Variants in OR6J1 observed in about 807,000 individuals in gnomAD.
OR6J1 encodes the protein olfactory receptor family 6 subfamily J member 1.
For missense variants in OR6J1, 304 were observed against 166.8 expected (o/e 1.82, Z -4.53); for synonymous variants, 109 against 70.0 (o/e 1.56, Z -2.78).
intron 1 of OR6J1, among the ~76,000 whole-genome samples, chr14:22,635,284 A>G (rs2037576091): frequency 6.6e-6 from 1 of 152,266 alleles, no homozygotes; most frequent in African/African-American, 2.4e-5. Flanking sequence ...TAAACAAATT[A>G]TGGTACCTTT....
intron 1 of OR6J1, among the ~76,000 whole-genome samples, chr14:22,643,758 C>CAGAGAGAGAGAGAG (rs1235103171): frequency 1.3e-4 from 8 of 60,720 alleles, no homozygotes; most frequent in South Asian, 1.4e-3. Context: ...CACACACACA[C>CAGAGAGAGAGAGAG]ACACACAGAG....
intron 1 of OR6J1, among the ~76,000 whole-genome samples, chr14:22,643,337 C>A (rs1194129329): frequency 1.3e-5 from 2 of 151,350 alleles, no homozygotes; most frequent in Admixed American, 6.6e-5. Flanking sequence ...ACTCTGTCAC[C>A]CAGGCTGGAG....
rs1300720128 is a variant in OR6J1 at position 22,632,344 on chromosome 14, G to A, written c.*1424C>T. 6.6e-6 allele frequency: 1 copy of A among 152,380 alleles called. No homozygotes were observed. Among genetic ancestry groups the A allele is most frequent in the Non-Finnish European group, 1.5e-5 (1 of 68,082 alleles). The allele number at this position is 152,380 out of a possible 1,614,324, so 9.4% of individuals were successfully genotyped here. ...GCACTTTGGGAGGCCGATGTGGGCA[G>A]ATCACGAGTTCAGGAGATCGAGACC... On this transcript the variant is annotated 3_prime_UTR_variant, in exon 2 of 2. Transcript: ENST00000540461.
At chr14:22,643,764 C>CACACACAGAG (rs1466950724) in intron 1 of OR6J1, among the ~76,000 whole-genome samples, 380 of 37,662 alleles carry the variant, frequency 0.01, 7 homozygotes, top group Non-Finnish European at 0.013. Context: ...CACACACACA[C>CACACACAGAG]AGAGAGAGAG....
In OR6J1 at chr14:22,632,762, A is replaced by G. The variant is rs2037555137; in HGVS notation, c.*1006T>C. 6.6e-6 allele frequency: 1 copy of G among 152,254 alleles called. No individual in the cohort carries two copies. Among genetic ancestry groups the G allele is most frequent in the African/African-American group, 2.4e-5 (1 of 41,456 alleles). 9.4% of individuals were successfully genotyped at this position (152,254 alleles called of 1,614,324 possible). On this transcript the variant is annotated 3_prime_UTR_variant, in exon 2 of 2. Coordinates refer to ENST00000540461, the MANE Select transcript of OR6J1 (RefSeq NM_001348233.2). The stretch of plus-strand genomic sequence containing the variant: ...AAACACATCAAATCCAGGAATAGGA[A>G]TCAAAATTCTACCAGCTCCAGCCCT...
intron 1 of OR6J1, among the ~76,000 whole-genome samples, chr14:22,636,549 TGCAGGCGCAC>T (rs1327169892): frequency 1.1e-4 from 13 of 114,592 alleles, no homozygotes; most frequent in Non-Finnish European, 1.7e-4. Flanking sequence ...TGCCTGCGAT[TGCAGGCGCAC>T]GCCGCCACGC....
Position 22,634,416 on chromosome 14 carries a change from G to A in OR6J1, c.396C>T (p.Thr132=), listed in dbSNP as rs1480533939. The A allele has an allele frequency of 1.4e-6, 1 of 703,444 alleles. No homozygotes were observed. 43.6% of individuals were successfully genotyped at this position (703,444 alleles called of 1,614,324 possible). A position where few individuals can be genotyped will look rare whatever the true frequency, so the allele number is the denominator to read the frequency against. The change falls in exon 2 of 2, where the codon ACC becomes ACT. Residue 132 remains threonine, a synonymous_variant. Coordinates refer to ENST00000540461, the MANE Select transcript of OR6J1 (RefSeq NM_001348233.2). ...TGCAGACAGAAGGTCTCATGATGGT[G>A]GTGTACCGCAGGGGGCAGCAGATGG... ...YATICCPLRY[T]TIMRPSVCIG...
At chr14:22,640,068 T>G (rs72679830) in intron 1 of OR6J1, among the ~76,000 whole-genome samples, 32,541 of 146,848 alleles carry the variant, frequency 0.22, 4,326 homozygotes, top group African/African-American at 0.31. Flanking sequence ...AATTTGTCAT[T>G]ACCTTGTAAA....
intron 1 of OR6J1, among the ~76,000 whole-genome samples, chr14:22,641,262 A>AAAGGAAGGAAGG (rs1181906883): frequency 9.0e-6 from 1 of 111,406 alleles, no homozygotes; most frequent in Admixed American, 9.6e-5. Context: ...AGAAAGAAAG[A>AAAGGAAGGAAGG]AAGAAAGGAA....
intron 1 of OR6J1, among the ~76,000 whole-genome samples, chr14:22,638,415 G>A (rs1408690802): frequency 4.0e-5 from 3 of 74,620 alleles, no homozygotes; most frequent in Non-Finnish European, 2.4e-5. Flanking sequence ...GATTAAGGGC[G>A]GTGCAAGATG....
chr14:22,635,517 A>G lies in OR6J1; in HGVS notation c.-27-679T>C, dbSNP rs538448668. Reference sequence around the variant, plus strand: ...AGATGTAAATTAGCAAAGGTCCTAGAGTAGCCAAGAAGACATTGCTGAAGA... The same window carrying G: ...AGATGTAAATTAGCAAAGGTCCTAGGGTAGCCAAGAAGACATTGCTGAAGA... On this transcript the variant is annotated intron_variant, in intron 1 of 1. Transcript: ENST00000540461. Among the ~76,000 whole-genome samples, 13 of 152,358 alleles carry G rather than the reference A, an allele frequency of 8.5e-5. No homozygotes were observed. The East Asian group carries it at 1.9e-3, about 23-fold the overall frequency.
chr14:22,635,574 A>G (rs1299597277), intron 1 of OR6J1, among the ~76,000 whole-genome samples: 3 of 152,202 alleles, frequency 2.0e-5, no homozygotes, highest in African/African-American at 7.2e-5. Flanking sequence ...GCATTGGCAG[A>G]TATTGAGACT....
rs752798007 is a variant in OR6J1, at chr14:22,634,546, T to C, written c.266A>G (p.Lys89Arg). The C allele has an allele frequency of 9.6e-5, 68 of 705,194 alleles. No homozygotes were observed. The highest frequency in any genetic ancestry group is 9.3e-4 in the South Asian group (63 of 67,630). The allele number at this position is 705,194 out of a possible 1,614,324, so 43.7% of individuals were successfully genotyped here. A position where few individuals can be genotyped will look rare whatever the true frequency, so the allele number is the denominator to read the frequency against. Residue 89 changes from lysine to arginine, a missense_variant, in exon 2 of 2, where the codon AAA becomes AGA. Lys to Arg is a conservative substitution (Grantham distance 26, BLOSUM62 2). Coordinates refer to ENST00000540461, the MANE Select transcript of OR6J1 (RefSeq NM_001348233.2). ...KVLANLGSRD[K>R]TISFAGCITQ... ...GATACATCCGGCAAAGGAGATGGTT[T>C]TATCCCTAGATCCTAAGTTGGCCAA...
intron 1 of OR6J1, among the ~76,000 whole-genome samples, chr14:22,641,086 C>T (rs1289748522): frequency 6.6e-6 from 1 of 150,718 alleles, no homozygotes; most frequent in Admixed American, 6.7e-5. Flanking sequence ...GGAGAATCAC[C>T]TGAGCCCAGG....
intron 1 of OR6J1, among the ~76,000 whole-genome samples, chr14:22,642,081 C>A (rs1186286210): frequency 2.6e-5 from 4 of 152,138 alleles, no homozygotes; most frequent in East Asian, 3.9e-4. Flanking sequence ...ACATCAGCCA[C>A]TCCTGCACAG....
intron 1 of OR6J1, among the ~76,000 whole-genome samples, chr14:22,635,102 G>A (rs1628267): frequency 0.23 from 35,299 of 152,030 alleles, 4,369 homozygotes; most frequent in African/African-American, 0.32. Flanking sequence ...AGCAATGTGT[G>A]TCAAAAACCT....
intron 1 of OR6J1, among the ~76,000 whole-genome samples, chr14:22,643,714 A>AACACACACACACACACAC (rs1183889876): frequency 2.4e-5 from 2 of 84,060 alleles, no homozygotes; most frequent in African/African-American, 8.9e-5. Context: ...GCATGGCAGA[A>AACACACACACACACACAC]ACACACACAC....
At chr14:22,643,752 C>CAG (rs1270936188) in intron 1 of OR6J1, among the ~76,000 whole-genome samples, 95 of 107,212 alleles carry the variant, frequency 8.9e-4, no homozygotes, top group African/African-American at 3.4e-3. Flanking sequence ...CACACACACA[C>CAG]ACACACACAC....
intron 1 of OR6J1, among the ~76,000 whole-genome samples, chr14:22,639,249 C>CG: frequency 1.6e-5 from 2 of 126,442 alleles, no homozygotes; most frequent in East Asian, 2.1e-4. Flanking sequence ...GGTCAGCCCC[C>CG]CGCCAGGCCA....
Sources: gnomAD v4.1 joint callset for allele counts (sites outside exome capture counted in the v4.1 genomes callset) on GRCh38, gnomAD v4.1.1 for gene constraint, MANE v1.5 for transcripts, NCBI Gene and HGNC (gene_info 2026-07-23, HGNC 2026-07-21) for gene names.